PRDM16: variants seen among roughly 807,000 people sequenced by gnomAD.
PRDM16 encodes PR/SET domain 16.
Under a neutral mutation model 110.6 loss-of-function variants are expected in PRDM16, and 23 were observed. The observed-to-expected ratio is 0.21, with a 90% CI of 0.15 to 0.29. PRDM16 has a LOEUF of 0.29. Among genes scored for constraint, PRDM16 ranks in the 10% least tolerant of loss-of-function variants. The pLI, the probability that PRDM16 is intolerant of heterozygous loss-of-function variation, is 1.00. For missense variants in PRDM16, 1,615 were observed against 1,794.3 expected (o/e 0.90, Z 1.81); for synonymous variants, 799 against 781.8 (o/e 1.02, Z -0.37).
intron 1 of PRDM16, among the ~76,000 whole-genome samples, chr1:3,146,251 G>A (rs577494755): frequency 9.9e-5 from 15 of 152,204 alleles, no homozygotes; most frequent in Non-Finnish European, 1.5e-4. Flanking sequence ...ATGAACGTTC[G>A]CTGACTTCAT....
intron 1 of PRDM16, among the ~76,000 whole-genome samples, chr1:3,082,641 G>T (rs1305875096): frequency 6.6e-6 from 1 of 152,176 alleles, no homozygotes; most frequent in Non-Finnish European, 1.5e-5. Context: ...CCGGGGTTGG[G>T]GGCCAATGCC....
At chr1:3,302,640 C>T (rs927485882) in intron 3 of PRDM16, among the ~76,000 whole-genome samples, 21 of 152,222 alleles carry the variant, frequency 1.4e-4, no homozygotes, top group Non-Finnish European at 1.5e-4. Flanking sequence ...TGTAATTCTA[C>T]ATCAGGCACC....
intron 4 of PRDM16, among the ~76,000 whole-genome samples, chr1:3,394,695 C>T (rs970157913): frequency 1.3e-5 from 2 of 152,214 alleles, no homozygotes; most frequent in African/African-American, 2.4e-5. Flanking sequence ...CTTCCACTTG[C>T]GCCTGCTACA....
chr1:3,246,583 T>C lies in PRDM16; in HGVS notation c.438+2446T>C, dbSNP rs1208360305. 6.6e-6 allele frequency among the ~76,000 whole-genome samples: 1 copy of C among 152,176 alleles called. No homozygotes were observed. Among genetic ancestry groups the C allele is most frequent in the African/African-American group, 2.4e-5 (1 of 41,448 alleles). ...CCAGTCCGAGGGGCTGGGGGCTGCCTGGAGGAGGCACCCAAGTCCTCAGGC... is the reference window on the plus strand; with the variant it reads ...CCAGTCCGAGGGGCTGGGGGCTGCCCGGAGGAGGCACCCAAGTCCTCAGGC... On this transcript the variant is annotated intron_variant, in intron 3 of 16. Transcript: ENST00000270722. This position sits in a 1 kb window ranked among gnomAD's most constrained non-coding sequence, Gnocchi z 5.2.
chr1:3,239,568 G>A (rs1435384144), intron 2 of PRDM16, among the ~76,000 whole-genome samples: 2 of 152,178 alleles, frequency 1.3e-5, no homozygotes, highest in Non-Finnish European at 2.9e-5. Context: ...AAGGAGAAGA[G>A]GCCTTGGAAT....
rs532288770 is a variant in PRDM16, at chr1:3,333,181, G to A, written c.439-51971G>A. 2.6e-5 allele frequency among the ~76,000 whole-genome samples: 4 copies of A among 152,308 alleles called. No individual in the cohort carries two copies. In the South Asian group the frequency reaches 8.3e-4, roughly 32 times the overall value. On this transcript the variant is annotated intron_variant, in intron 3 of 16. Coordinates refer to ENST00000270722, the MANE Select transcript of PRDM16 (RefSeq NM_022114.4). ...AGGCAGCAAGGTGGTGGGGAGGAGAGCCAGGTGTCCTGGAGAGGTGGGTGC... is the reference window on the plus strand; with the variant it reads ...AGGCAGCAAGGTGGTGGGGAGGAGAACCAGGTGTCCTGGAGAGGTGGGTGC...
Position 3,069,355 on chromosome 1 carries a change from C to CCCGG in PRDM16, c.37+59_37+60insCCGG. 4.5e-6 allele frequency: 4 copies of CCCGG among 898,244 alleles called. No homozygotes were observed. In the African/African-American group the frequency reaches 7.4e-5, roughly 17 times the overall value. The allele number at this position is 898,244 out of a possible 1,614,324, so 55.6% of individuals were successfully genotyped here. ...CGGGGCCCGGGCCGCCGGGCCGGGG[C>CCCGG]GCCCGGGCCAGGGGTGCGCGTCGGG... On this transcript the variant is annotated intron_variant, in intron 1 of 16. Coordinates refer to ENST00000270722, the MANE Select transcript of PRDM16 (RefSeq NM_022114.4). This position sits in a 1 kb window ranked among gnomAD's most constrained non-coding sequence, Gnocchi z 6.1.
At chr1:3,423,270 G>A (rs933958590) in intron 12 of PRDM16, among the ~76,000 whole-genome samples, 3 of 152,166 alleles carry the variant, frequency 2.0e-5, no homozygotes, top group Non-Finnish European at 2.9e-5. Flanking sequence ...GGGGAGACTC[G>A]CAGGCTCTGA....
intron 1 of PRDM16, among the ~76,000 whole-genome samples, chr1:3,121,607 AATGAATGGGCTT>A (rs1032241936): frequency 1.3e-5 from 2 of 152,208 alleles, no homozygotes; most frequent in African/African-American, 4.8e-5. Context: ...GGTGGTGAGA[AATGAATGGGCTT>A]CCGAATGCCG....
At chr1:3,135,052 G>C (rs936112347) in intron 1 of PRDM16, among the ~76,000 whole-genome samples, 1 of 152,100 alleles carries the variant, frequency 6.6e-6, no homozygotes, top group Non-Finnish European at 1.5e-5. Flanking sequence ...CTTCTGGAAG[G>C]TGCCACCCCC....
intron 3 of PRDM16, among the ~76,000 whole-genome samples, chr1:3,281,724 A>T (rs1640714997): frequency 6.6e-6 from 1 of 152,240 alleles, no homozygotes; most frequent in Non-Finnish European, 1.5e-5. Context: ...GATCGGTTTG[A>T]TGTGCTCTGA....
intron 1 of PRDM16, among the ~76,000 whole-genome samples, chr1:3,182,873 C>G (rs1644227588): frequency 6.6e-6 from 1 of 152,206 alleles, no homozygotes; most frequent in East Asian, 1.9e-4. Flanking sequence ...TTGGCCCCAA[C>G]TCGGGGTCAC....
At chr1:3,093,105 T>G (rs1470663770) in intron 1 of PRDM16, among the ~76,000 whole-genome samples, 3 of 152,206 alleles carry the variant, frequency 2.0e-5, no homozygotes, top group Non-Finnish European at 4.4e-5. Flanking sequence ...TCTCCTGACC[T>G]GGCTGAGAAG....
At chr1:3,346,633 G>A (rs1642368943) in intron 3 of PRDM16, among the ~76,000 whole-genome samples, 6 of 152,120 alleles carry the variant, frequency 3.9e-5, no homozygotes, top group Admixed American at 2.6e-4. Flanking sequence ...GGCCAGCCAG[G>A]CCCACCCCTC....
At chr1:3,318,037 G>A (rs1046347194) in intron 3 of PRDM16, among the ~76,000 whole-genome samples, 6 of 152,202 alleles carry the variant, frequency 3.9e-5, no homozygotes, top group Admixed American at 6.5e-5. Context: ...CGGCGGCTCC[G>A]AGGCCTGTCC....
chr1:3,079,170 G>T (rs779090342), intron 1 of PRDM16, among the ~76,000 whole-genome samples: 3 of 152,240 alleles, frequency 2.0e-5, no homozygotes, highest in Non-Finnish European at 2.9e-5. Context: ...GCCGCTGCCC[G>T]GGCCTGTTTG....
chr1:3,147,799 G>A (rs1643704393), intron 1 of PRDM16, among the ~76,000 whole-genome samples: 1 of 152,188 alleles, frequency 6.6e-6, no homozygotes, highest in Admixed American at 6.5e-5. Flanking sequence ...CTTGGGCCAG[G>A]AGAGGAGGCA....
chr1:3,402,560 G>T (rs1007769625), intron 5 of PRDM16, among the ~76,000 whole-genome samples: 1 of 152,010 alleles, frequency 6.6e-6, no homozygotes, highest in Non-Finnish European at 1.5e-5. Flanking sequence ...GGCACAGATT[G>T]GGGGGTCCTT....
intron 1 of PRDM16, among the ~76,000 whole-genome samples, chr1:3,181,123 CG>C (rs1644159309): frequency 8.0e-6 from 1 of 124,452 alleles, no homozygotes; most frequent in African/African-American, 2.8e-5. Context: ...GCCTTACACA[CG>C]CAGTCTTACA....
Sources: gnomAD v4.1 joint callset for allele counts (sites outside exome capture counted in the v4.1 genomes callset) on GRCh38, gnomAD v4.1.1 for gene constraint, Gnocchi (gnomAD v3.1) non-coding constraint, MANE v1.5 for transcripts, NCBI Gene and HGNC (gene_info 2026-07-23, HGNC 2026-07-21) for gene names.